GSK3B: variants seen among roughly 807,000 people sequenced by gnomAD.
GSK3B encodes glycogen synthase kinase-3 beta.
A neutral mutation model predicts 56.4 loss-of-function variants in GSK3B; 15 were observed. The observed-to-expected ratio is 0.27, with a 90% CI of 0.18 to 0.41. The LOEUF (loss-of-function observed/expected upper bound fraction) is 0.41. GSK3B is among the 10% of genes least tolerant of loss of function. GSK3B has a pLI of 1.00. For synonymous variants in GSK3B, 181 were observed against 188.9 expected, an observed-to-expected ratio of 0.96 and a Z score of 0.34; for missense variants, 300 against 513.4, an observed-to-expected ratio of 0.58 and a Z score of 4.02.
chr3:119,947,125 C>T, intron 3 of GSK3B, 143 bp downstream of exon 3: 1 of 593,070 alleles, frequency 1.7e-6, no homozygotes, highest in Non-Finnish European at 3.0e-6. Flanking sequence ...ATGACCATAC[C>T]TTGGGCTGAG....
At chr3:119,907,220 C>CT (rs2056691515) in intron 6 of GSK3B, among the ~76,000 whole-genome samples, 1 of 152,074 alleles carries the variant, frequency 6.6e-6, no homozygotes, top group South Asian at 2.1e-4. Flanking sequence ...ATGCACTCAA[C>CT]TTTTTTCCTC....
chr3:119,906,566 T>C (rs1286600521), intron 6 of GSK3B, among the ~76,000 whole-genome samples: 2 of 152,110 alleles, frequency 1.3e-5, no homozygotes, highest in Admixed American at 1.3e-4. Flanking sequence ...GTTTATATGT[T>C]GTCCTGGGAT....
intron 1 of GSK3B, among the ~76,000 whole-genome samples, chr3:120,059,500 G>A (rs1209216476): frequency 1.3e-5 from 2 of 152,154 alleles, no homozygotes; most frequent in African/African-American, 4.8e-5. Flanking sequence ...CAACAGTTTT[G>A]ATTCCAAAAA....
At chr3:119,852,504 C>T (rs982729342) in intron 9 of GSK3B, among the ~76,000 whole-genome samples, 3 of 152,008 alleles carry the variant, frequency 2.0e-5, no homozygotes, top group Admixed American at 6.6e-5. Context: ...CCCACCACCA[C>T]GCCTGGCTAA....
chr3:120,025,508 A>C (rs542176120), intron 1 of GSK3B, among the ~76,000 whole-genome samples: 2 of 152,342 alleles, frequency 1.3e-5, no homozygotes, highest in South Asian at 4.1e-4. Flanking sequence ...AGAAGATAGC[A>C]AATATGAAGA....
intron 1 of GSK3B, chr3:120,029,470 T>C: frequency 2.9e-6 from 2 of 686,150 alleles, no homozygotes; most frequent in Admixed American, 3.9e-5. Flanking sequence ...TCAAGAGCAG[T>C]GTTATTATCT....
At chr3:119,916,887 T>C (rs1254681041) in intron 4 of GSK3B, among the ~76,000 whole-genome samples, 1 of 152,170 alleles carries the variant, frequency 6.6e-6, no homozygotes, top group Non-Finnish European at 1.5e-5. Context: ...CTCAGTTTTC[T>C]TACCAAAAAG....
At chr3:119,829,918 T>C (rs1378620425) in intron 10 of GSK3B, among the ~76,000 whole-genome samples, 1 of 152,238 alleles carries the variant, frequency 6.6e-6, no homozygotes, top group Admixed American at 6.5e-5. Context: ...ATATCTTTGA[T>C]ATCGAAAGTC....
intron 1 of GSK3B, among the ~76,000 whole-genome samples, chr3:120,081,515 C>A (rs1189041200): frequency 1.3e-5 from 2 of 152,154 alleles, no homozygotes; most frequent in Non-Finnish European, 2.9e-5. Flanking sequence ...CCACTGCACT[C>A]CAGCCTGGCA....
chr3:120,075,805 A>G (rs1476210936), intron 1 of GSK3B, among the ~76,000 whole-genome samples: 1 of 152,190 alleles, frequency 6.6e-6, no homozygotes, highest in Non-Finnish European at 1.5e-5. Flanking sequence ...TACTACCCAA[A>G]GCAACAAAAC....
intron 2 of GSK3B, among the ~76,000 whole-genome samples, chr3:119,997,912 A>T (rs2057639172): frequency 6.6e-6 from 1 of 152,218 alleles, no homozygotes; most frequent in Non-Finnish European, 1.5e-5. Flanking sequence ...GTTAAGTTAT[A>T]TTACTACTTT....
intron 4 of GSK3B, among the ~76,000 whole-genome samples, chr3:119,922,452 A>T (rs1008185023): frequency 6.8e-6 from 1 of 147,868 alleles, no homozygotes; most frequent in Non-Finnish European, 1.5e-5. Flanking sequence ...AGTGTATATT[A>T]TATATACTAT....
intron 1 of GSK3B, among the ~76,000 whole-genome samples, chr3:120,073,242 A>AAAAAAAAAAAAG (rs1559901441): frequency 6.7e-6 from 1 of 148,200 alleles, no homozygotes; most frequent in African/African-American, 2.5e-5. Context: ...AAAAAAAAAA[A>AAAAAAAAAAAAG]GCCTGGCATG....
chr3:119,981,973 C>T (rs1402414224), intron 2 of GSK3B, among the ~76,000 whole-genome samples: 1 of 152,164 alleles, frequency 6.6e-6, no homozygotes, highest in African/African-American at 2.4e-5. Context: ...TAGGCAGCTG[C>T]CCCGCTGTGA....
Position 119,914,436 on chromosome 3 carries a change from A to C in GSK3B, c.608+1608T>G, listed in dbSNP as rs139885427. ...AATGGGCTGTACCAAGTGTTTTGAC[A>C]CTATATGAGAACAGAAGCTCTTCTA... On this transcript the variant is annotated intron_variant, in intron 5 of 10. Transcript: ENST00000264235. Among the ~76,000 whole-genome samples, 4 of 152,202 alleles carry C rather than the reference A, an allele frequency of 2.6e-5. No homozygotes were observed. The East Asian group carries it at 7.7e-4, about 29-fold the overall frequency.
intron 7 of GSK3B, among the ~76,000 whole-genome samples, chr3:119,901,087 G>T (rs1339251584): frequency 6.6e-6 from 1 of 152,144 alleles, no homozygotes; most frequent in Non-Finnish European, 1.5e-5. Context: ...CAACTGCAGA[G>T]GTGCCAAAGG....
intron 10 of GSK3B, among the ~76,000 whole-genome samples, chr3:119,832,086 G>T (rs1017159575): frequency 1.3e-5 from 2 of 152,204 alleles, no homozygotes; most frequent in African/African-American, 4.8e-5. Context: ...AGAAATAATG[G>T]TGTGTGACTT....
intron 1 of GSK3B, among the ~76,000 whole-genome samples, chr3:120,089,478 A>C (rs2058493013): frequency 6.6e-6 from 1 of 152,206 alleles, no homozygotes; most frequent in Non-Finnish European, 1.5e-5. Context: ...TAAACTTCCC[A>C]GGGGAATACG....
Position 119,825,740 on chromosome 3 carries a change from TA to T in GSK3B, c.*1047del, listed in dbSNP as rs950169610. On this transcript the variant is annotated 3_prime_UTR_variant, in exon 11 of 11. Coordinates refer to ENST00000264235, the MANE Select transcript of GSK3B (RefSeq NM_001146156.2). ...TATTTCTGCAAGCTCAATTTTCAAT[TA>T]AAAAATATGAAAAATAAACCAGTAG... 28 of 224,828 alleles carry T rather than the reference TA, an allele frequency of 1.2e-4. No homozygotes were observed. Among genetic ancestry groups the T allele is most frequent in the African/African-American group, 5.3e-4 (24 of 45,052 alleles). 13.9% of individuals were successfully genotyped at this position (224,828 alleles called of 1,614,324 possible). A position where few individuals can be genotyped will look rare whatever the true frequency, so the allele number is the denominator to read the frequency against.
Sources: gnomAD v4.1 joint callset for allele counts (sites outside exome capture counted in the v4.1 genomes callset) on GRCh38, gnomAD v4.1.1 for gene constraint, MANE v1.5 for transcripts, NCBI Gene and HGNC (gene_info 2026-07-23, HGNC 2026-07-21) for gene names.